The following PCDHGA1 variants were observed in gnomAD, a reference collection of about 807,000 sequenced individuals.
PCDHGA1 encodes the protein protocadherin gamma-A1.
PCDHGA1 carries 32 observed loss-of-function variants against 58.0 expected under a neutral mutation model. That is an observed-to-expected ratio of 0.55 (90% confidence interval 0.42 to 0.74). The LOEUF (loss-of-function observed/expected upper bound fraction) is 0.74. PCDHGA1 is among the 30% of genes least tolerant of loss of function. The probability of loss-of-function intolerance (pLI) is 0.00; values close to 1 mark genes in which losing one functional copy is unlikely to be tolerated. For missense variants in PCDHGA1, 1,205 were observed against 1,182.3 expected (o/e 1.02, Z -0.28); for synonymous variants, 498 against 501.1 (o/e 0.99, Z 0.08).
At chr5:141,423,193 T>A in intron 1 of PCDHGA1, 2 of 1,613,564 alleles carry the variant, frequency 1.2e-6, no homozygotes, top group Non-Finnish European at 1.7e-6. Context: ...GCCCCCTCTC[T>A]CGGCCACCGT....
chr5:141,419,933 C>CTGG (rs1192896428), intron 1 of PCDHGA1: 1 of 1,613,952 alleles, frequency 6.2e-7, no homozygotes, highest in African/African-American at 1.3e-5. Context: ...GCAGTTTTAC[C>CTGG]TGGTGGTGGC....
At chr5:141,399,479 C>G (rs774561101) in intron 1 of PCDHGA1, 2 of 1,614,032 alleles carry the variant, frequency 1.2e-6, no homozygotes, top group East Asian at 4.5e-5. Context: ...TTCCACCAGG[C>G]GTCCTACTTA....
intron 1 of PCDHGA1, chr5:141,365,395 G>T (rs753717509): frequency 5.6e-6 from 9 of 1,613,978 alleles, no homozygotes; most frequent in Non-Finnish European, 7.6e-6. Flanking sequence ...TGACCAGTTC[G>T]ATCTCTGAAG....
chr5:141,413,699 A>T (rs2095668539), intron 1 of PCDHGA1: 2 of 1,613,762 alleles, frequency 1.2e-6, no homozygotes, highest in East Asian at 4.5e-5. Context: ...CAGAGCTATC[A>T]GCTCAGCCCC....
At position 141,487,448 on chromosome 5, in the gene PCDHGA1, C is replaced by T; in HGVS notation, c.2422-7359C>T. The stretch of plus-strand genomic sequence containing the variant: ...CCGAATCCAGCTAGGGTCAGATGAC[C>T]CTATCAAGTTTGTTGATGTGGGAGG... On this transcript the variant is annotated intron_variant, in intron 1 of 3. Coordinates refer to ENST00000517417, the MANE Select transcript of PCDHGA1 (RefSeq NM_018912.3). The surrounding 1 kb of genome is among the most constrained non-coding windows in gnomAD (Gnocchi z 5.0). 6.8e-6 allele frequency: 11 copies of T among 1,614,146 alleles called. No individual in the cohort carries two copies. The highest frequency in any genetic ancestry group is 9.3e-6 in the Non-Finnish European group (11 of 1,180,028).
intron 1 of PCDHGA1, chr5:141,362,353 C>T (rs1561526575): frequency 3.1e-6 from 5 of 1,613,956 alleles, no homozygotes; most frequent in South Asian, 1.1e-5. Context: ...ACCTGGGGTT[C>T]TCCCCAATTA....
intron 1 of PCDHGA1, chr5:141,350,461 T>C (rs1425532527): frequency 3.1e-6 from 5 of 1,613,762 alleles, no homozygotes; most frequent in Non-Finnish European, 4.2e-6. Flanking sequence ...TGCGGGTTAG[T>C]GCAGAGGATT....
rs369141362 is a variant in PCDHGA1 at position 141,404,800 on chromosome 5, C to T, written c.2421+71695C>T. The T allele has an allele frequency of 1.8e-5, 29 of 1,613,852 alleles. No homozygotes were observed. The Admixed American group carries it at 3.3e-4, about 19-fold the overall frequency. On this transcript the variant is annotated intron_variant, in intron 1 of 3. Transcript: ENST00000517417. ...TATTCAAGGCCAGTGAGCCAGGGCT[C>T]TTCTCGGTGGGGCTGCACACAGGTG... is the stretch of plus-strand genomic sequence containing the variant.
At chr5:141,399,053 A>G (rs2093744168) in intron 1 of PCDHGA1, 2 of 1,613,630 alleles carry the variant, frequency 1.2e-6, no homozygotes, top group East Asian at 2.2e-5. Context: ...GAAGAGACCA[A>G]GGAATATTCA....
At chr5:141,505,579 G>A (rs1047837546) in intron 3 of PCDHGA1, 98 bp downstream of exon 3, 6 of 1,588,858 alleles carry the variant, frequency 3.8e-6, no homozygotes, top group Non-Finnish European at 4.3e-6. Flanking sequence ...TCAAACCTGT[G>A]TAGTTTCTCC....
intron 1 of PCDHGA1, chr5:141,339,405 C>A (rs572475104): frequency 6.2e-7 from 1 of 1,614,212 alleles, no homozygotes; most frequent in South Asian, 1.1e-5. Context: ...ATCAGTGAAA[C>A]CACTACGCCA....
chr5:141,389,784 G>C (rs1380763543), intron 1 of PCDHGA1: 2 of 1,613,318 alleles, frequency 1.2e-6, no homozygotes, highest in South Asian at 2.2e-5. Flanking sequence ...AGGCGACAGG[G>C]ACGCCGTCCG....
chr5:141,346,369 T>A, intron 1 of PCDHGA1: 1 of 1,614,202 alleles, frequency 6.2e-7, no homozygotes, highest in Non-Finnish European at 8.5e-7. Context: ...GCGGACACGC[T>A]CATCAGCCAG....
At chr5:141,414,489 G>C (rs754325517) in intron 1 of PCDHGA1, 2 of 1,613,872 alleles carry the variant, frequency 1.2e-6, no homozygotes, top group South Asian at 2.2e-5. Context: ...CTCTATCAAC[G>C]GAAGCTCACT....
intron 1 of PCDHGA1, chr5:141,384,930 C>G (rs764481830): frequency 6.2e-7 from 1 of 1,614,060 alleles, no homozygotes; most frequent in Admixed American, 1.7e-5. Context: ...ACCTGGGCAG[C>G]CTTGAGCCCT....
In PCDHGA1 at chr5:141,487,102, G is replaced by C; in HGVS notation, c.2422-7705G>C. The C allele has an allele frequency of 6.2e-7, 1 of 1,613,900 alleles. No homozygotes were observed. Among genetic ancestry groups the C allele is most frequent in the Non-Finnish European group, 8.5e-7 (1 of 1,179,818 alleles). ...CAGCTGACCTCCCACCACAGAAGCTGGTCATTGTGGTAAAGGATAGTGGTA... is the reference window on the plus strand; with the variant it reads ...CAGCTGACCTCCCACCACAGAAGCTCGTCATTGTGGTAAAGGATAGTGGTA... On this transcript the variant is annotated intron_variant, in intron 1 of 3. Transcript: ENST00000517417. This position sits in a 1 kb window ranked among gnomAD's most constrained non-coding sequence, Gnocchi z 5.0.
At position 141,432,595 on chromosome 5, in the gene PCDHGA1, C is replaced by G; in HGVS notation, c.2422-62212C>G. 6.2e-7 allele frequency: 1 copy of G among 1,613,756 alleles called. No individual in the cohort carries two copies. Among genetic ancestry groups the G allele is most frequent in the Admixed American group, 1.7e-5 (1 of 60,018 alleles). ...TGTCCTACCGTCTGCTCAAGGCCAG[C>G]GAGCCGGGACTCTTCTCGGTGGGTC... On this transcript the variant is annotated intron_variant, in intron 1 of 3. Transcript: ENST00000517417. This position sits in a 1 kb window ranked among gnomAD's most constrained non-coding sequence, Gnocchi z 6.0.
rs1430298222 is a variant in PCDHGA1, at chr5:141,476,741, A to C, written c.2422-18066A>C. ...CGCCCTGGACCGAGAACGGGAGCCTAGTCTCCAGTTAGTGCTGACGGCGTT... is the reference window on the plus strand; with the variant it reads ...CGCCCTGGACCGAGAACGGGAGCCTCGTCTCCAGTTAGTGCTGACGGCGTT... On this transcript the variant is annotated intron_variant, in intron 1 of 3. Coordinates refer to ENST00000517417, the MANE Select transcript of PCDHGA1 (RefSeq NM_018912.3). The surrounding 1 kb of genome is among the most constrained non-coding windows in gnomAD (Gnocchi z 7.6). 1 of 1,613,936 alleles carries C rather than the reference A, an allele frequency of 6.2e-7. No homozygotes were observed. Among genetic ancestry groups the C allele is most frequent in the South Asian group, 1.1e-5 (1 of 91,088 alleles).
At chr5:141,338,510 T>C (rs1756758950) in intron 1 of PCDHGA1, among the ~76,000 whole-genome samples, 1 of 152,246 alleles carries the variant, frequency 6.6e-6, no homozygotes, top group African/African-American at 2.4e-5. Context: ...TCAATAATAC[T>C]TTCCTAGCAA....
Sources: gnomAD v4.1 joint callset for allele counts (sites outside exome capture counted in the v4.1 genomes callset) on GRCh38, gnomAD v4.1.1 for gene constraint, Gnocchi (gnomAD v3.1) non-coding constraint, MANE v1.5 for transcripts, NCBI Gene and HGNC (gene_info 2026-07-23, HGNC 2026-07-21) for gene names.